Variants in ADAM7 observed in about 807,000 individuals in gnomAD.
The protein encoded by ADAM7 is disintegrin and metalloproteinase domain-containing protein 7.
Under a neutral mutation model 102.9 loss-of-function variants are expected in ADAM7, and 97 were observed. The ratio of observed to expected loss-of-function variants is 0.94; its 90% CI spans 0.80 to 1.12. ADAM7 has a LOEUF of 1.12. Ranked by LOEUF, ADAM7 falls within the 50% of genes most tolerant of loss-of-function variation. ADAM7 has a pLI of 0.00. For missense variants in ADAM7, 991 were observed against 908.7 expected, an observed-to-expected ratio of 1.09 and a Z score of -1.16; for synonymous variants, 334 against 304.4, an observed-to-expected ratio of 1.10 and a Z score of -1.01.
intron 19 of ADAM7, among the ~76,000 whole-genome samples, chr8:24,501,142 A>C (rs1243209219): frequency 6.6e-6 from 1 of 152,170 alleles, no homozygotes; most frequent in Non-Finnish European, 1.5e-5. Flanking sequence ...GGTTGAAGAC[A>C]TTGTGATTTA....
intron 21 of ADAM7, 107 bp from the exon 22 acceptor site, chr8:24,508,439 A>C: frequency 8.6e-7 from 1 of 1,163,156 alleles, no homozygotes; most frequent in Non-Finnish European, 1.3e-6. Flanking sequence ...AGGACTACAG[A>C]ACACAGAAAG....
intron 16 of ADAM7, among the ~76,000 whole-genome samples, chr8:24,495,384 C>T (rs371799881): frequency 5.3e-5 from 8 of 151,290 alleles, no homozygotes; most frequent in East Asian, 3.9e-4. Context: ...ATTATGCACA[C>T]GCTTGAAATA....
At chr8:24,477,729 T>A (rs1332975151) in intron 8 of ADAM7, among the ~76,000 whole-genome samples, 1 of 152,136 alleles carries the variant, frequency 6.6e-6, no homozygotes, top group Non-Finnish European at 1.5e-5. Flanking sequence ...CTCTCTTCTC[T>A]TTCTCATATT....
intron 6 of ADAM7, chr8:24,467,211 C>A: frequency 1.7e-6 from 1 of 588,564 alleles, no homozygotes; most frequent in Non-Finnish European, 3.0e-6. Context: ...TTCTACAATT[C>A]TATGTATAGA....
chr8:24,507,155 T>G (rs1277500890), intron 20 of ADAM7, among the ~76,000 whole-genome samples: 1 of 152,138 alleles, frequency 6.6e-6, no homozygotes, highest in African/African-American at 2.4e-5. Context: ...GTTATCGGAA[T>G]GAAAGTGCTA....
intron 9 of ADAM7, 138 bp from the exon 10 acceptor site, chr8:24,485,138 TC>T (rs1820094136): frequency 1.3e-6 from 1 of 745,622 alleles, no homozygotes; most frequent in African/African-American, 1.8e-5. Flanking sequence ...AAGGTCAGCC[TC>T]AATTCCAAAA....
rs569859418 is a variant in ADAM7 at position 24,500,242 on chromosome 8, C to T, written c.1988C>T (p.Thr663Ile). Residue 663 changes from threonine (T) to isoleucine (I), a missense_variant, in exon 18 of 22, where the codon ACC (threonine) becomes ATC (isoleucine). By Grantham distance (89) the Thr-to-Ile change is moderately conservative. Coordinates refer to ENST00000175238, the MANE Select transcript of ADAM7 (RefSeq NM_003817.4). Reference sequence around the variant, plus strand: ...CAGGCACCTGTAGCCTGTGAAGAAACCTTACATGTTACCAGTGAGCATCCT... The same window carrying T: ...CAGGCACCTGTAGCCTGTGAAGAAATCTTACATGTTACCAGTGAGCATCCT... ...EGQAPVACEE[T>I]LHVTNITILV... is the part of the protein sequence containing the mutation. The T allele has an allele frequency of 1.9e-6, 3 of 1,609,488 alleles. No homozygotes were observed. The highest frequency in any genetic ancestry group is 2.2e-5 in the East Asian group (1 of 44,748).
intron 8 of ADAM7, among the ~76,000 whole-genome samples, chr8:24,477,673 A>G (rs887504329): frequency 8.6e-5 from 13 of 151,768 alleles, no homozygotes; most frequent in Non-Finnish European, 1.2e-4. Context: ...ATTATTGATC[A>G]TTCAAATATT....
chr8:24,503,359 T>C (rs1270810364), intron 20 of ADAM7, among the ~76,000 whole-genome samples: 1 of 152,142 alleles, frequency 6.6e-6, no homozygotes, highest in Non-Finnish European at 1.5e-5. Flanking sequence ...TGGTGATCAT[T>C]AAAAAGTCAG....
At chr8:24,457,811 T>C (rs1819091775) in intron 3 of ADAM7, among the ~76,000 whole-genome samples, 1 of 152,036 alleles carries the variant, frequency 6.6e-6, no homozygotes, top group Non-Finnish European at 1.5e-5. Flanking sequence ...AGTTTTAGCT[T>C]TTAGTTTTGG....
chr8:24,463,407 G>A lies in ADAM7; in HGVS notation c.234-475G>A, dbSNP rs1819316897. On this transcript the variant is annotated intron_variant, in intron 3 of 21. Transcript: ENST00000175238. ...TCTTGCCATGGGGGAGAGAGATTGGGCTCAATTCCAAATACAGCATGGGTA... is the reference window on the plus strand; with the variant it reads ...TCTTGCCATGGGGGAGAGAGATTGGACTCAATTCCAAATACAGCATGGGTA... 1.3e-5 allele frequency among the ~76,000 whole-genome samples: 2 copies of A among 152,008 alleles called. 1 individual carries two copies. The highest frequency in any genetic ancestry group is 4.2e-4 in the South Asian group (2 of 4,816).
At chr8:24,469,035 C>T (rs749112090) in intron 7 of ADAM7, among the ~76,000 whole-genome samples, 3 of 152,074 alleles carry the variant, frequency 2.0e-5, no homozygotes, top group Admixed American at 1.3e-4. Flanking sequence ...CCATTAAGAA[C>T]ATATGGAAAT....
Position 24,442,454 on chromosome 8 carries a change from C to G in ADAM7, c.53-19C>G, listed in dbSNP as rs1462825168. The G allele has an allele frequency of 6.4e-7, 1 of 1,560,832 alleles. No homozygotes were observed. Among genetic ancestry groups the G allele is most frequent in the South Asian group, 1.1e-5 (1 of 89,980 alleles). Reference sequence around the variant, plus strand: ...ATGTTAATGTCAGACGGATTTTTTCCTCTTATGTTTCCTCGTAGAAAAGTT... The same window carrying G: ...ATGTTAATGTCAGACGGATTTTTTCGTCTTATGTTTCCTCGTAGAAAAGTT... On this transcript the variant is annotated intron_variant, in intron 1 of 21. Transcript: ENST00000175238.
intron 20 of ADAM7, among the ~76,000 whole-genome samples, chr8:24,505,633 T>C (rs1275983474): frequency 2.0e-5 from 3 of 152,116 alleles, no homozygotes; most frequent in African/African-American, 7.2e-5. Context: ...TGTTTTTTGT[T>C]TGTTTGTTTT....
chr8:24,445,087 T>A (rs1022231392), intron 2 of ADAM7, among the ~76,000 whole-genome samples: 2 of 152,158 alleles, frequency 1.3e-5, no homozygotes, highest in Non-Finnish European at 2.9e-5. Context: ...AATCTTCTAA[T>A]ATTTGTTAAT....
At position 24,487,187 on chromosome 8, in the gene ADAM7, G is replaced by T; in HGVS notation, c.961G>T (p.Asp321Tyr). ...LPYYSTSIIK[D>Y]LLPDTNIIAN... The stretch of plus-strand genomic sequence containing the variant: ...TCTAATGCAATTGTTTTATCATCAG[G>T]ATCTTTTACCTGACACAAACATAAT... The change falls in exon 11 of 22, where the codon GAT becomes TAT. Residue 321 changes from aspartate to tyrosine, a missense_variant and splice_region_variant. Asp to Tyr is a radical substitution (Grantham distance 160). Coordinates refer to ENST00000175238, the MANE Select transcript of ADAM7 (RefSeq NM_003817.4). 12 of 1,613,094 alleles carry T rather than the reference G, an allele frequency of 7.4e-6. No homozygotes were observed. The highest frequency in any genetic ancestry group is 1.0e-5 in the Non-Finnish European group (12 of 1,179,476).
chr8:24,469,997 A>G (rs1819552156), intron 7 of ADAM7, among the ~76,000 whole-genome samples: 1 of 152,152 alleles, frequency 6.6e-6, no homozygotes, highest in South Asian at 2.1e-4. Flanking sequence ...AGTGAATGGG[A>G]ATGATTGGAT....
Position 24,508,789 on chromosome 8 carries a change from G to C in ADAM7, c.*243G>C. On this transcript the variant is annotated 3_prime_UTR_variant, in exon 22 of 22. Transcript: ENST00000175238. ...AAAAATGTCTTGTGGTCTTTCAAAT[G>C]CTCTTTAGCACAATATAAAAATTCG... The C allele has an allele frequency of 1.5e-6, 2 of 1,339,294 alleles. No individual in the cohort carries two copies. The highest frequency in any genetic ancestry group is 1.9e-6 in the Non-Finnish European group (2 of 1,044,640). The allele number at this position is 1,339,294 out of a possible 1,614,324, so 83.0% of individuals were successfully genotyped here.
intron 8 of ADAM7, among the ~76,000 whole-genome samples, chr8:24,477,928 T>C (rs1351399645): frequency 6.6e-6 from 1 of 152,156 alleles, no homozygotes; most frequent in Non-Finnish European, 1.5e-5. Flanking sequence ...CTACCATATA[T>C]GTACTCAGCT....
Sources: allele counts gnomAD v4.1 joint callset (sites outside exome capture counted in the v4.1 genomes callset), GRCh38; gene constraint gnomAD v4.1.1; transcripts MANE v1.5; gene names NCBI Gene and HGNC (gene_info 2026-07-23, HGNC 2026-07-21).